Variants in SGPL1 observed in about 807,000 individuals in gnomAD.
SGPL1 encodes SP-lyase 1.
Under a neutral mutation model 68.9 loss-of-function variants are expected in SGPL1, and 37 were observed. The ratio of observed to expected loss-of-function variants is 0.54; its 90% CI spans 0.41 to 0.71. The LOEUF (loss-of-function observed/expected upper bound fraction) is 0.71, where lower values mean the gene tolerates loss of function less well. SGPL1 is among the 30% of genes least tolerant of loss of function. The pLI is 0.00. For missense variants in SGPL1, 551 were observed against 704.6 expected (o/e 0.78, Z 2.47); for synonymous variants, 236 against 248.5 (o/e 0.95, Z 0.47).
chr10:70,873,082 C>T (rs1223138651), intron 11 of SGPL1, among the ~76,000 whole-genome samples: 1 of 152,150 alleles, frequency 6.6e-6, no homozygotes, highest in Non-Finnish European at 1.5e-5. Flanking sequence ...AAACCACATG[C>T]TGGGCAAGAG....
At position 70,877,644 on chromosome 10, in the gene SGPL1, T is replaced by C. The variant is rs1408542958; in HGVS notation, c.*309T>C. On this transcript the variant is annotated 3_prime_UTR_variant, in exon 15 of 15. Coordinates refer to ENST00000373202, the MANE Select transcript of SGPL1 (RefSeq NM_003901.4). ...CTTTCAACTTTACTTAAACATTGTG[T>C]GGTAGCTCTGACCTGTCCTGATTCT... 3.4e-6 allele frequency: 1 copy of C among 294,936 alleles called. No individual in the cohort carries two copies. Among genetic ancestry groups the C allele is most frequent in the Non-Finnish European group, 6.5e-6 (1 of 153,526 alleles). 18.3% of individuals were successfully genotyped at this position (294,936 alleles called of 1,614,324 possible). A position where few individuals can be genotyped will look rare whatever the true frequency, so the allele number is the denominator to read the frequency against.
chr10:70,849,378 T>G (rs1006429400), intron 3 of SGPL1, among the ~76,000 whole-genome samples: 12 of 152,148 alleles, frequency 7.9e-5, no homozygotes, highest in Admixed American at 2.0e-4. Flanking sequence ...GTGCTATCAG[T>G]GAGGAGGATA....
chr10:70,826,037 C>T (rs891161719), intron 2 of SGPL1, among the ~76,000 whole-genome samples: 13 of 151,524 alleles, frequency 8.6e-5, no homozygotes, highest in Middle Eastern at 3.4e-3. Context: ...AAAAATTAGC[C>T]GGGTGTGGTG....
At chr10:70,875,064 A>C (rs977183964) in intron 12 of SGPL1, among the ~76,000 whole-genome samples, 7 of 152,196 alleles carry the variant, frequency 4.6e-5, no homozygotes, top group African/African-American at 1.2e-4. Flanking sequence ...ACTTTTCCAG[A>C]AATTTTTTTA....
intron 3 of SGPL1, among the ~76,000 whole-genome samples, chr10:70,849,083 C>G (rs1845836412): frequency 6.6e-6 from 1 of 152,090 alleles, no homozygotes; most frequent in Non-Finnish European, 1.5e-5. Context: ...TACCCTGTAC[C>G]ATTTTTTCTC....
At chr10:70,837,860 T>A (rs998492805) in intron 2 of SGPL1, among the ~76,000 whole-genome samples, 16 of 152,212 alleles carry the variant, frequency 1.1e-4, no homozygotes, top group Non-Finnish European at 2.2e-4. Context: ...AGCATGGCAC[T>A]GATATCTGGT....
Position 70,871,044 on chromosome 10 carries a change from C to T in SGPL1, c.811-4C>T. 6.2e-7 allele frequency: 1 copy of T among 1,609,100 alleles called. No individual in the cohort carries two copies. Among genetic ancestry groups the T allele is most frequent in the Middle Eastern group, 1.7e-4 (1 of 6,052 alleles). On this transcript the variant is annotated splice_region_variant and splice_polypyrimidine_tract_variant and intron_variant, in intron 9 of 14. Coordinates refer to ENST00000373202, the MANE Select transcript of SGPL1 (RefSeq NM_003901.4). ...TCATTTTCCTTTAAACTTTAAATCC[C>T]TAGGCAATGAGAAGAGCTATCTCCA...
intron 2 of SGPL1, among the ~76,000 whole-genome samples, chr10:70,840,300 T>C (rs1845694711): frequency 6.6e-6 from 1 of 151,980 alleles, no homozygotes; most frequent in Non-Finnish European, 1.5e-5. Flanking sequence ...TCTCTGCTTG[T>C]AAAATGAAAA....
intron 2 of SGPL1, among the ~76,000 whole-genome samples, chr10:70,831,176 CATA>C (rs2131861500): frequency 6.6e-6 from 1 of 152,266 alleles, no homozygotes; most frequent in African/African-American, 2.4e-5. Flanking sequence ...CCAGATAATG[CATA>C]ATTTTTCATT....
intron 2 of SGPL1, 47 bp downstream of exon 2, chr10:70,816,927 GT>G: frequency 4.4e-6 from 7 of 1,587,940 alleles, no homozygotes; most frequent in South Asian, 1.1e-5. Context: ...ATTTGTCTCC[GT>G]TTTTTTAGTC....
At chr10:70,839,251 ATAT>A (rs1845678261) in intron 2 of SGPL1, among the ~76,000 whole-genome samples, 1 of 152,168 alleles carries the variant, frequency 6.6e-6, no homozygotes, top group Non-Finnish European at 1.5e-5. Context: ...AAAGTAGTTA[ATAT>A]TATGAATATT....
intron 1 of SGPL1, among the ~76,000 whole-genome samples, 163 bp downstream of exon 1, chr10:70,816,289 C>T (rs1314301589): frequency 3.5e-5 from 5 of 143,678 alleles, no homozygotes; most frequent in African/African-American, 1.3e-4. Context: ...GGGCACCAGC[C>T]GCTGAGGTCC....
At chr10:70,864,530 G>A (rs1283505170) in intron 7 of SGPL1, among the ~76,000 whole-genome samples, 1 of 152,098 alleles carries the variant, frequency 6.6e-6, no homozygotes, top group African/African-American at 2.4e-5. Flanking sequence ...TTTTAGGTCT[G>A]TAGCTCATTC....
intron 2 of SGPL1, among the ~76,000 whole-genome samples, chr10:70,840,430 C>A (rs906129779): frequency 1.3e-5 from 2 of 152,100 alleles, no homozygotes; most frequent in Non-Finnish European, 2.9e-5. Context: ...TAAGGAACTG[C>A]ATCATCCTTT....
chr10:70,876,628 C>A lies in SGPL1; in HGVS notation c.1533C>A (p.Ile511=). 6.2e-7 allele frequency: 1 copy of A among 1,613,686 alleles called. No homozygotes were observed. The highest frequency in any genetic ancestry group is 1.1e-5 in the South Asian group (1 of 90,992). ...ACATTCGAGAATCTGTCACTCAAATCATGAAGAATCCTAAAGCGAAGACCA... is the reference window on the plus strand; with the variant it reads ...ACATTCGAGAATCTGTCACTCAAATAATGAAGAATCCTAAAGCGAAGACCA... ...LKDIRESVTQ[I]MKNPKAKTTG... The change falls in exon 14 of 15, where the codon ATC becomes ATA. Residue 511 remains isoleucine, a synonymous_variant. Transcript: ENST00000373202.
chr10:70,829,300 GA>G (rs1212872911), intron 2 of SGPL1, among the ~76,000 whole-genome samples: 1 of 152,076 alleles, frequency 6.6e-6, no homozygotes, highest in Non-Finnish European at 1.5e-5. Context: ...AGAAAACTGA[GA>G]AATAGCTCAT....
At chr10:70,865,954 A>G (rs1361973720) in intron 7 of SGPL1, among the ~76,000 whole-genome samples, 1 of 152,254 alleles carries the variant, frequency 6.6e-6, no homozygotes, top group African/African-American at 2.4e-5. Flanking sequence ...AAGAAGTTGA[A>G]TGACATAACA....
Position 70,851,160 on chromosome 10 carries a change from A to G in SGPL1, c.211A>G (p.Lys71Glu). The G allele has an allele frequency of 6.2e-7, 1 of 1,613,728 alleles. No homozygotes were observed. The highest frequency in any genetic ancestry group is 1.1e-5 in the South Asian group (1 of 91,076). Residue 71 changes from lysine to glutamate, a missense_variant, in exon 4 of 15, where the codon AAA becomes GAA. Transcript: ENST00000373202. ...FQPESLWSRF[K>E]KKCFKLTRKM... is the part of the protein sequence containing the mutation. Reference sequence around the variant, plus strand: ...TCTTTTAGGTTTATGGTCAAGGTTTAAAAAGAAATGTTTTAAGCTCACCAG... The same window carrying G: ...TCTTTTAGGTTTATGGTCAAGGTTTGAAAAGAAATGTTTTAAGCTCACCAG...
chr10:70,868,582 T>G (rs886294319), intron 8 of SGPL1, 149 bp downstream of exon 8: 1 of 643,548 alleles, frequency 1.6e-6, no homozygotes, highest in Non-Finnish European at 2.8e-6. Flanking sequence ...CCCTCTGCCC[T>G]TATCCTTTTA....
Sources: gnomAD v4.1 joint callset for allele counts (sites outside exome capture counted in the v4.1 genomes callset) on GRCh38, gnomAD v4.1.1 for gene constraint, MANE v1.5 for transcripts, NCBI Gene and HGNC (gene_info 2026-07-23, HGNC 2026-07-21) for gene names.